Variants in HIBADH observed in about 807,000 individuals in gnomAD.
HIBADH encodes 3-hydroxyisobutyrate dehydrogenase, mitochondrial.
A neutral mutation model predicts 36.1 loss-of-function variants in HIBADH; 25 were observed. The ratio of observed to expected loss-of-function variants is 0.69; its 90% CI spans 0.50 to 0.97. The LOEUF (loss-of-function observed/expected upper bound fraction) is 0.97, where lower values mean the gene tolerates loss of function less well. Among genes scored for constraint, HIBADH ranks in the 50% least tolerant of loss-of-function variants. HIBADH has a pLI of 0.00. For missense variants in HIBADH, 421 were observed against 418.0 expected, an observed-to-expected ratio of 1.01 and a Z score of -0.06; for synonymous variants, 160 against 149.5, an observed-to-expected ratio of 1.07 and a Z score of -0.51.
chr7:27,653,985 A>C (rs1786248411), intron 1 of HIBADH, among the ~76,000 whole-genome samples: 1 of 152,248 alleles, frequency 6.6e-6, no homozygotes, highest in South Asian at 2.1e-4. Context: ...TTAGAAAACA[A>C]GGACGTTAAA....
chr7:27,554,722 T>G (rs1583566761), intron 4 of HIBADH, among the ~76,000 whole-genome samples: 1 of 152,124 alleles, frequency 6.6e-6, no homozygotes, highest in African/African-American at 2.4e-5. Flanking sequence ...AAAGGCAAGA[T>G]GATAACCCGG....
At chr7:27,643,102 C>T (rs1388351698) in intron 2 of HIBADH, among the ~76,000 whole-genome samples, 3 of 152,190 alleles carry the variant, frequency 2.0e-5, no homozygotes, top group Non-Finnish European at 4.4e-5. Flanking sequence ...TCTAACACCA[C>T]CTATTGGTCC....
intron 4 of HIBADH, among the ~76,000 whole-genome samples, chr7:27,613,686 T>A (rs1240320441): frequency 7.1e-6 from 1 of 140,784 alleles, no homozygotes; most frequent in African/African-American, 2.7e-5. Flanking sequence ...TTGAGACAGG[T>A]CTCACTCTGT....
At chr7:27,591,342 G>C (rs571710557) in intron 4 of HIBADH, among the ~76,000 whole-genome samples, 1 of 152,124 alleles carries the variant, frequency 6.6e-6, no homozygotes, top group Admixed American at 6.5e-5. Flanking sequence ...ACGAGGTCAG[G>C]AGATCGAGAC....
intron 4 of HIBADH, among the ~76,000 whole-genome samples, chr7:27,603,975 A>T (rs1785175266): frequency 6.6e-6 from 1 of 152,082 alleles, no homozygotes; most frequent in African/African-American, 2.4e-5. Flanking sequence ...CAACACACAT[A>T]CATAAAATAG....
intron 2 of HIBADH, among the ~76,000 whole-genome samples, chr7:27,640,564 C>T (rs1004080124): frequency 2.0e-5 from 3 of 152,180 alleles, no homozygotes; most frequent in Non-Finnish European, 4.4e-5. Context: ...CTTGTAACAT[C>T]TGCTAATCGT....
intron 1 of HIBADH, among the ~76,000 whole-genome samples, chr7:27,656,928 T>C (rs1009816678): frequency 1.3e-5 from 2 of 152,166 alleles, no homozygotes; most frequent in African/African-American, 4.8e-5. Context: ...ACAGCAACCA[T>C]TACACATTGC....
chr7:27,590,100 A>G (rs1172355947), intron 4 of HIBADH, among the ~76,000 whole-genome samples: 1 of 152,192 alleles, frequency 6.6e-6, no homozygotes, highest in Admixed American at 6.5e-5. Context: ...TGATTTTCAC[A>G]AAAAGTCAGG....
chr7:27,629,066 G>A (rs1484336739), intron 4 of HIBADH, among the ~76,000 whole-genome samples: 3 of 151,694 alleles, frequency 2.0e-5, no homozygotes, highest in Admixed American at 6.6e-5. Flanking sequence ...TATTTAAGCT[G>A]ATTTTTTTTT....
chr7:27,546,050 A>C (rs1784231668), intron 4 of HIBADH, among the ~76,000 whole-genome samples: 1 of 152,152 alleles, frequency 6.6e-6, no homozygotes, highest in Non-Finnish European at 1.5e-5. Flanking sequence ...AAGTATTAAT[A>C]ACTTCTTCAT....
At chr7:27,591,289 C>A (rs1459473942) in intron 4 of HIBADH, among the ~76,000 whole-genome samples, 2 of 151,990 alleles carry the variant, frequency 1.3e-5, no homozygotes, top group Non-Finnish European at 2.9e-5. Flanking sequence ...TGGTGGCTCA[C>A]GCCTGTAATC....
chr7:27,551,857 A>G (rs1784323556), intron 4 of HIBADH, among the ~76,000 whole-genome samples: 1 of 152,238 alleles, frequency 6.6e-6, no homozygotes, highest in African/African-American at 2.4e-5. Context: ...GAGATCAAGA[A>G]GAGGACCAAT....
Position 27,570,228 on chromosome 7 carries a change from AC to A in HIBADH, c.485-27129del, listed in dbSNP as rs150221793. Reference sequence around the variant, plus strand: ...GGCACTCTGCCCAAGGTTTTTAGACACATTCAGTAGGAGAGAAAGGACAGTA... The same window carrying A: ...GGCACTCTGCCCAAGGTTTTTAGACAATTCAGTAGGAGAGAAAGGACAGTA... On this transcript the variant is annotated intron_variant, in intron 4 of 7. Coordinates refer to ENST00000265395, the MANE Select transcript of HIBADH (RefSeq NM_152740.4). Among the ~76,000 whole-genome samples the A allele has an allele frequency of 0.017, 2,522 of 152,306 alleles. 133 individuals are homozygous for A. The East Asian group carries it at 0.17, about 10-fold the overall frequency.
intron 4 of HIBADH, among the ~76,000 whole-genome samples, chr7:27,557,730 C>T (rs1784413582): frequency 6.6e-6 from 1 of 152,156 alleles, no homozygotes; most frequent in African/African-American, 2.4e-5. Context: ...TAATCCCATT[C>T]AGGAAAGGAG....
chr7:27,646,740 G>A (rs911389938), intron 2 of HIBADH, among the ~76,000 whole-genome samples: 2 of 127,990 alleles, frequency 1.6e-5, no homozygotes, highest in African/African-American at 6.2e-5. Context: ...CTGTCATCCA[G>A]GCTGGACTGC....
chr7:27,659,250 T>C (rs1429043702), intron 1 of HIBADH, among the ~76,000 whole-genome samples: 1 of 152,246 alleles, frequency 6.6e-6, no homozygotes, highest in Non-Finnish European at 1.5e-5. Flanking sequence ...CGTGACATTT[T>C]GTAGAGGGCC....
chr7:27,554,336 G>C (rs1195933165), intron 4 of HIBADH, among the ~76,000 whole-genome samples: 3 of 152,212 alleles, frequency 2.0e-5, no homozygotes, highest in African/African-American at 7.2e-5. Context: ...CAAATAGCTT[G>C]TAATCATTAT....
intron 7 of HIBADH, among the ~76,000 whole-genome samples, chr7:27,529,114 G>A (rs904849113): frequency 2.6e-5 from 4 of 152,208 alleles, no homozygotes; most frequent in Non-Finnish European, 4.4e-5. Flanking sequence ...CTACTGGTCA[G>A]AAGAAAAGAT....
intron 4 of HIBADH, among the ~76,000 whole-genome samples, chr7:27,618,442 C>T (rs1486827767): frequency 1.3e-5 from 2 of 152,182 alleles, no homozygotes; most frequent in South Asian, 2.1e-4. Context: ...ACCACCATCA[C>T]CAGCCCACGC....
Sources: allele counts gnomAD v4.1 joint callset (sites outside exome capture counted in the v4.1 genomes callset), GRCh38; gene constraint gnomAD v4.1.1; transcripts MANE v1.5; gene names NCBI Gene and HGNC (gene_info 2026-07-23, HGNC 2026-07-21).